CMC2: variants seen among roughly 807,000 people sequenced by gnomAD.
The protein encoded by CMC2 is COX assembly mitochondrial protein 2 homolog.
Under a neutral mutation model 7.5 loss-of-function variants are expected in CMC2, and 5 were observed. The observed-to-expected ratio is 0.66, with a 90% CI of 0.35 to 1.40. CMC2 has a LOEUF of 1.40. CMC2 is among the 40% of genes most tolerant of loss of function. The pLI is 0.04. For synonymous variants in CMC2, 37 were observed against 31.4 expected, an observed-to-expected ratio of 1.18 and a Z score of -0.60; for missense variants, 115 against 92.3, an observed-to-expected ratio of 1.25 and a Z score of -1.01.
At chr16:80,999,192 A>C (rs1287900394) in intron 1 of CMC2, among the ~76,000 whole-genome samples, 1 of 152,220 alleles carries the variant, frequency 6.6e-6, no homozygotes, top group East Asian at 1.9e-4. Context: ...AAAACCCTAA[A>C]GACTCTGCCA....
chr16:80,971,465 G>C lies in CMC2; in HGVS notation c.*4628C>G, dbSNP rs1479279798. ...TAGTATTTTTTTTTTAAAAAAAAAAGGTACGCTACCAAAGGCTACACACAT... is the reference window on the plus strand; with the variant it reads ...TAGTATTTTTTTTTTAAAAAAAAAACGTACGCTACCAAAGGCTACACACAT... On this transcript the variant is annotated 3_prime_UTR_variant, in exon 4 of 4. Transcript: ENST00000219400. 1.4e-5 allele frequency: 2 copies of C among 145,932 alleles called. No homozygotes were observed. Among genetic ancestry groups the C allele is most frequent in the Non-Finnish European group, 3.0e-5 (2 of 66,878 alleles). 9.0% of individuals were successfully genotyped at this position (145,932 alleles called of 1,614,324 possible). A position where few individuals can be genotyped will look rare whatever the true frequency, so the allele number is the denominator to read the frequency against.
intron 2 of CMC2, among the ~76,000 whole-genome samples, chr16:80,992,347 T>TA (rs1272926601): frequency 6.6e-6 from 1 of 152,186 alleles, no homozygotes; most frequent in Non-Finnish European, 1.5e-5. Context: ...TTCATACTGT[T>TA]AGAGTTATAC....
At position 80,976,157 on chromosome 16, in the gene CMC2, C is replaced by A. The variant is rs1256973499; in HGVS notation, c.176G>T (p.Ser59Ile). Residue 59 changes from serine (S) to isoleucine (I), a missense_variant, in exon 4 of 4, where the codon AGC becomes ATC. Transcript: ENST00000219400. ...KNEYVENRTK[S>I]REHGIAMRKK... ...TCGCATTGCAATGCCATGCTCCCTG[C>A]TCTTGGTCCTGTTTTCTACGTACTG... The A allele has an allele frequency of 1.2e-6, 2 of 1,603,992 alleles. No individual in the cohort carries two copies. The highest frequency in any genetic ancestry group is 1.7e-6 in the Non-Finnish European group (2 of 1,172,816).
At chr16:81,004,720 T>TA (rs1283633179) in intron 1 of CMC2, among the ~76,000 whole-genome samples, 1 of 152,192 alleles carries the variant, frequency 6.6e-6, no homozygotes, top group Non-Finnish European at 1.5e-5. Context: ...AGTGAAGATA[T>TA]AAAAATTATA....
Position 80,981,848 on chromosome 16 carries a change from AC to A in CMC2, c.110del (p.Cys37LeufsTer8). 1.9e-6 allele frequency: 3 copies of A among 1,610,714 alleles called. No homozygotes were observed. The highest frequency in any genetic ancestry group is 2.5e-6 in the Non-Finnish European group (3 of 1,177,892). Reference protein sequence around the residue: ...NHNILKFFGYCNDVDRELRKC... With the variant: ...NHNILKFFGYXNDVDRELRKC... ...TTCTCAACTCCCGATCAACATCATTACAATAACCAAAAAATTTCAGAATGTT... is the reference window on the plus strand; with the variant it reads ...TTCTCAACTCCCGATCAACATCATTAAATAACCAAAAAATTTCAGAATGTT... On this transcript the variant is annotated frameshift_variant, in exon 3 of 4. Transcript: ENST00000219400. LOFTEE classifies it high-confidence loss of function.
rs1469836563 is a variant in CMC2, at chr16:80,975,182, G to A, written c.*911C>T. The A allele has an allele frequency of 6.6e-6, 1 of 152,258 alleles. No individual in the cohort carries two copies. Among genetic ancestry groups the A allele is most frequent in the African/African-American group, 2.4e-5 (1 of 41,460 alleles). The allele number at this position is 152,258 out of a possible 1,614,324, so 9.4% of individuals were successfully genotyped here. A position where few individuals can be genotyped will look rare whatever the true frequency, so the allele number is the denominator to read the frequency against. On this transcript the variant is annotated 3_prime_UTR_variant, in exon 4 of 4. Transcript: ENST00000219400. ...AGAACAGTCCTATACTCAGCAGAGA[G>A]GAGACACACTGGCCTAAGGTTAATG...
At chr16:80,985,652 C>A (rs1049480077) in intron 2 of CMC2, among the ~76,000 whole-genome samples, 1 of 151,828 alleles carries the variant, frequency 6.6e-6, no homozygotes, top group Non-Finnish European at 1.5e-5. Flanking sequence ...AGTCCTGAGA[C>A]CAAAAAGTGT....
At chr16:81,004,466 T>C (rs982867451) in intron 1 of CMC2, among the ~76,000 whole-genome samples, 5 of 152,346 alleles carry the variant, frequency 3.3e-5, no homozygotes, top group Admixed American at 1.3e-4. Flanking sequence ...TTTGTCAGTC[T>C]CATCTTTACA....
intron 1 of CMC2, among the ~76,000 whole-genome samples, chr16:81,003,474 T>C (rs1969016662): frequency 6.6e-6 from 1 of 152,214 alleles, no homozygotes. Flanking sequence ...ACTGTCTTTT[T>C]ATAGGTCAAA....
intron 3 of CMC2, among the ~76,000 whole-genome samples, chr16:80,977,393 C>T (rs1293526757): frequency 6.6e-6 from 1 of 152,128 alleles, no homozygotes; most frequent in African/African-American, 2.4e-5. Context: ...TACACCAATC[C>T]AACACACTTT....
chr16:80,977,564 G>A (rs555658622), intron 3 of CMC2, among the ~76,000 whole-genome samples: 75 of 152,228 alleles, frequency 4.9e-4, no homozygotes, highest in Non-Finnish European at 8.8e-4. Flanking sequence ...TAGTGATACC[G>A]AGCTCATCAG....
At chr16:80,978,991 G>A (rs767094773) in intron 3 of CMC2, among the ~76,000 whole-genome samples, 6 of 152,100 alleles carry the variant, frequency 3.9e-5, no homozygotes, top group Non-Finnish European at 5.9e-5. Context: ...TGAGGCAGGA[G>A]AATGGCGTGA....
chr16:80,978,403 G>T (rs1353857064), intron 3 of CMC2: 2 of 1,262,264 alleles, frequency 1.6e-6, no homozygotes, highest in Middle Eastern at 2.2e-4. Context: ...TCCAAAGGAA[G>T]TCCAGATGGT....
chr16:80,997,286 C>T (rs368025236), intron 2 of CMC2, 28 bp downstream of exon 2: 6 of 1,205,144 alleles, frequency 5.0e-6, no homozygotes, highest in African/African-American at 1.5e-5. Flanking sequence ...TTCATTTTGG[C>T]TGTACAGTCG....
chr16:80,997,684 C>T (rs1376178221), intron 1 of CMC2: 1 of 242,992 alleles, frequency 4.1e-6, no homozygotes, highest in East Asian at 7.9e-5. Context: ...GAGACCCAAT[C>T]CCGGAAATAA....
intron 1 of CMC2, among the ~76,000 whole-genome samples, chr16:81,005,929 C>G (rs1226824177): frequency 6.6e-6 from 1 of 152,152 alleles, no homozygotes; most frequent in African/African-American, 2.4e-5. Context: ...ATGTCAGAAA[C>G]TGACAACTAG....
intron 2 of CMC2, among the ~76,000 whole-genome samples, chr16:80,988,380 G>C (rs571811271): frequency 3.3e-5 from 5 of 152,134 alleles, no homozygotes; most frequent in African/African-American, 1.2e-4. Context: ...AAAAGTGCAA[G>C]TCTTCAGAAA....
chr16:80,981,885 GAAGAA>G lies in CMC2; in HGVS notation c.82-13_82-9del. 6.3e-7 allele frequency: 1 copy of G among 1,585,640 alleles called. No individual in the cohort carries two copies. Among genetic ancestry groups the G allele is most frequent in the Non-Finnish European group, 8.6e-7 (1 of 1,156,702 alleles). ...AAATTTCAGAATGTTGTGCTAAAAG[GAAGAA>G]AAGGAGTAAAATATTTCATCCCATA... On this transcript the variant is annotated splice_polypyrimidine_tract_variant and intron_variant, in intron 2 of 3. Transcript: ENST00000219400.
In CMC2 at chr16:80,967,090, A is replaced by G. The variant is rs367836740; in HGVS notation, c.*9003T>C. The G allele has an allele frequency of 1.3e-5, 2 of 152,216 alleles. No individual in the cohort carries two copies. Among genetic ancestry groups the G allele is most frequent in the South Asian group, 4.1e-4 (2 of 4,830 alleles). 9.4% of individuals were successfully genotyped at this position (152,216 alleles called of 1,614,324 possible). A position where few individuals can be genotyped will look rare whatever the true frequency, so the allele number is the denominator to read the frequency against. On this transcript the variant is annotated 3_prime_UTR_variant, in exon 4 of 4. Coordinates refer to ENST00000219400, the MANE Select transcript of CMC2 (RefSeq NM_020188.5). Reference sequence around the variant, plus strand: ...GTGAAAAAGCATTTATTGAATACCAATTATGTGTTAACCACTGTCCTAAGA... The same window carrying G: ...GTGAAAAAGCATTTATTGAATACCAGTTATGTGTTAACCACTGTCCTAAGA...
Sources: gnomAD v4.1 joint callset for allele counts (sites outside exome capture counted in the v4.1 genomes callset) on GRCh38, gnomAD v4.1.1 for gene constraint, MANE v1.5 for transcripts, NCBI Gene and HGNC (gene_info 2026-07-23, HGNC 2026-07-21) for gene names.